Variants in VTA1 observed in about 807,000 individuals in gnomAD.
VTA1 encodes the protein vesicle trafficking 1, also known as vacuolar protein sorting-associated protein VTA1 homolog.
In VTA1, 24 loss-of-function variants were observed where a neutral mutation model predicts 36.9. The ratio of observed to expected loss-of-function variants is 0.65; its 90% CI spans 0.47 to 0.91. VTA1 has a LOEUF of 0.91. Among genes scored for constraint, VTA1 ranks in the 40% least tolerant of loss-of-function variants. The pLI, the probability that VTA1 is intolerant of heterozygous loss-of-function variation, is 0.00. For synonymous variants in VTA1, 142 were observed against 130.2 expected (o/e 1.09, Z -0.62); for missense variants, 393 against 377.2 (o/e 1.04, Z -0.35).
rs1776114458 is a variant in VTA1 at position 142,221,762 on chromosome 6, T to C, written c.*3119T>C. ...GAGGTCAGGAGTATATATTTATTAA[T>C]ATATAAATATGTATTTATATATAAA... On this transcript the variant is annotated 3_prime_UTR_variant, in exon 8 of 8. Transcript: ENST00000367630. 6.7e-6 allele frequency: 1 copy of C among 148,342 alleles called. No homozygotes were observed. Among genetic ancestry groups the C allele is most frequent in the African/African-American group, 2.5e-5 (1 of 40,754 alleles). The allele number at this position is 148,342 out of a possible 1,614,324, so 9.2% of individuals were successfully genotyped here. A position where few individuals can be genotyped will look rare whatever the true frequency, so the allele number is the denominator to read the frequency against.
At position 142,223,750 on chromosome 6, in the gene VTA1, ATAT is replaced by A. The variant is rs1776154100; in HGVS notation, c.*5111_*5113del. ...ATTTAATATGATAATGCCATACTGG[ATAT>A]TATATACGAGTTACAATAATTCTTC... is the stretch of plus-strand genomic sequence containing the variant. On this transcript the variant is annotated 3_prime_UTR_variant, in exon 8 of 8. Transcript: ENST00000367630. 1 of 152,118 alleles carries A rather than the reference ATAT, an allele frequency of 6.6e-6. No individual in the cohort carries two copies. Among genetic ancestry groups the A allele is most frequent in the Non-Finnish European group, 1.5e-5 (1 of 68,032 alleles). 9.4% of individuals were successfully genotyped at this position (152,118 alleles called of 1,614,324 possible). A position where few individuals can be genotyped will look rare whatever the true frequency, so the allele number is the denominator to read the frequency against.
chr6:142,161,037 A>AG (rs1274808438), intron 1 of VTA1, among the ~76,000 whole-genome samples: 1 of 149,880 alleles, frequency 6.7e-6, no homozygotes, highest in East Asian at 2.0e-4. Context: ...GAGTGAAGTA[A>AG]GTATTCTTTA....
At chr6:142,159,931 T>A (rs1774765384) in intron 1 of VTA1, among the ~76,000 whole-genome samples, 1 of 152,192 alleles carries the variant, frequency 6.6e-6, no homozygotes. Flanking sequence ...TTAATGTCAC[T>A]ATCTTCTGTT....
At chr6:142,202,623 A>T (rs982870671) in intron 6 of VTA1, among the ~76,000 whole-genome samples, 1 of 151,998 alleles carries the variant, frequency 6.6e-6, no homozygotes, top group African/African-American at 2.4e-5. Context: ...ACACGCAAGT[A>T]TGCCTTCTAG....
intron 1 of VTA1, among the ~76,000 whole-genome samples, chr6:142,164,378 CT>C (rs200579849): frequency 6.1e-5 from 9 of 148,386 alleles, no homozygotes; most frequent in East Asian, 3.9e-4. Flanking sequence ...TTTTGGAACT[CT>C]TTTTTTTTTC....
chr6:142,186,326 G>C (rs1010018327), intron 4 of VTA1, among the ~76,000 whole-genome samples: 1 of 152,136 alleles, frequency 6.6e-6, no homozygotes, highest in Admixed American at 6.5e-5. Context: ...GTAGACCCTT[G>C]TATCCAAAGT....
chr6:142,174,863 A>T (rs1775089736), intron 4 of VTA1, among the ~76,000 whole-genome samples: 1 of 152,098 alleles, frequency 6.6e-6, no homozygotes, highest in Admixed American at 6.5e-5. Flanking sequence ...CTGCCTTGCG[A>T]CACGCTGGCT....
Position 142,147,382 on chromosome 6 carries a change from C to T in VTA1, c.95C>T (p.Pro32Leu), listed in dbSNP as rs147297004. The change falls in exon 1 of 8, where the codon CCT becomes CTT. Residue 32 changes from proline to leucine, a missense_variant. Physicochemically the swap from Pro to Leu is moderately conservative, Grantham distance 98. Coordinates refer to ENST00000367630, the MANE Select transcript of VTA1 (RefSeq NM_016485.5). ...RTAQEHDKRD[P>L]VVAYYCRLYA... ...GCTCAGGAGCATGACAAGCGAGACC[C>T]TGTGGTGGCTTATTACTGTGAGTCT... 5 of 1,614,132 alleles carry T rather than the reference C, an allele frequency of 3.1e-6. No homozygotes were observed. The highest frequency in any genetic ancestry group is 4.2e-6 in the Non-Finnish European group (5 of 1,179,984).
intron 7 of VTA1, among the ~76,000 whole-genome samples, chr6:142,210,498 G>T (rs190958537): frequency 4.6e-5 from 7 of 152,252 alleles, no homozygotes; most frequent in Admixed American, 2.6e-4. Flanking sequence ...GACAACCCAT[G>T]GAATGGGAGA....
Position 142,182,987 on chromosome 6 carries a change from C to T in VTA1, c.412-6439C>T, listed in dbSNP as rs548532529. Among the ~76,000 whole-genome samples the T allele has an allele frequency of 8.2e-4, 124 of 151,652 alleles. 1 individual carries two copies. Among genetic ancestry groups the T allele is most frequent in the African/African-American group, 2.8e-3 (116 of 41,294 alleles). ...CAAGTATAAAAGGACTGAAGGAGCG[C>T]GCAGCAAGGGAGAAGGAAAACCCGG... On this transcript the variant is annotated intron_variant, in intron 4 of 7. Transcript: ENST00000367630.
At chr6:142,184,449 G>A (rs1562263155) in intron 4 of VTA1, among the ~76,000 whole-genome samples, 4 of 152,158 alleles carry the variant, frequency 2.6e-5, no homozygotes, top group African/African-American at 7.2e-5. Flanking sequence ...CAGTTATTGC[G>A]TGGTTTCACA....
intron 4 of VTA1, among the ~76,000 whole-genome samples, chr6:142,174,964 G>A (rs1285126637): frequency 6.6e-6 from 1 of 152,162 alleles, no homozygotes; most frequent in African/African-American, 2.4e-5. Context: ...CCTGCGGAAT[G>A]TGAAGGCTCT....
At chr6:142,186,234 G>GA (rs1192308227) in intron 4 of VTA1, among the ~76,000 whole-genome samples, 1 of 151,982 alleles carries the variant, frequency 6.6e-6, no homozygotes, top group East Asian at 1.9e-4. Context: ...TGTAGTAACA[G>GA]AAAAAAATGC....
At chr6:142,206,428 A>G (rs1775791961) in intron 7 of VTA1, among the ~76,000 whole-genome samples, 1 of 152,258 alleles carries the variant, frequency 6.6e-6, no homozygotes, top group Non-Finnish European at 1.5e-5. Context: ...GAGGAGAACT[A>G]CAGAATGCTC....
chr6:142,218,185 A>G (rs889357183), intron 7 of VTA1, among the ~76,000 whole-genome samples: 2 of 152,074 alleles, frequency 1.3e-5, no homozygotes, highest in Non-Finnish European at 2.9e-5. Flanking sequence ...GTATTGTTCC[A>G]TGAAGAGAGA....
chr6:142,197,864 G>A (rs189168075), intron 5 of VTA1, among the ~76,000 whole-genome samples: 4 of 151,354 alleles, frequency 2.6e-5, no homozygotes, highest in Admixed American at 1.3e-4. Context: ...CACGAGGTCC[G>A]GAGATTGAGA....
At position 142,173,408 on chromosome 6, in the gene VTA1, C is replaced by T. The variant is rs188407052; in HGVS notation, c.411+2987C>T. 2.1e-3 allele frequency among the ~76,000 whole-genome samples: 327 copies of T among 152,282 alleles called. 1 individual carries two copies. The highest frequency in any genetic ancestry group is 7.2e-3 in the African/African-American group (301 of 41,554). On this transcript the variant is annotated intron_variant, in intron 4 of 7. Transcript: ENST00000367630. ...CCACATGGTTTATTGTGCTCTGGGC[C>T]TACAGGCGTGCGCCACCATGCCTGG...
chr6:142,192,012 T>G (rs1474525348), intron 5 of VTA1, among the ~76,000 whole-genome samples: 3 of 152,092 alleles, frequency 2.0e-5, no homozygotes, highest in Admixed American at 2.0e-4. Context: ...TTGTACTTAG[T>G]TAACTTAGAT....
intron 2 of VTA1, among the ~76,000 whole-genome samples, chr6:142,168,869 C>A (rs528401472): frequency 3.3e-5 from 5 of 151,532 alleles, no homozygotes; most frequent in African/African-American, 1.2e-4. Flanking sequence ...CAGGTTCATG[C>A]CATTCTCCTG....
Sources: gnomAD v4.1 joint callset for allele counts (sites outside exome capture counted in the v4.1 genomes callset) on GRCh38, gnomAD v4.1.1 for gene constraint, MANE v1.5 for transcripts, NCBI Gene and HGNC (gene_info 2026-07-23, HGNC 2026-07-21) for gene names.